The following BAZ1B variants were observed in gnomAD, a reference collection of about 807,000 sequenced individuals.
BAZ1B encodes tyrosine-protein kinase BAZ1B.
Under a neutral mutation model 153.8 loss-of-function variants are expected in BAZ1B, and 22 were observed. That is an observed-to-expected ratio of 0.14 (90% CI 0.10 to 0.20). BAZ1B has a LOEUF of 0.20. Among genes scored for constraint, BAZ1B ranks in the 10% least tolerant of loss-of-function variants. The pLI, the probability that BAZ1B is intolerant of heterozygous loss-of-function variation, is 1.00. For missense variants in BAZ1B, 1,325 were observed against 1,799.3 expected (o/e 0.74, Z 4.77); for synonymous variants, 676 against 633.4 (o/e 1.07, Z -1.01).
Position 73,442,290 on chromosome 7 carries a change from T to C in BAZ1B, c.4358A>G (p.Lys1453Arg), listed in dbSNP as rs782185536. ...HLPGHPYVRR[K>R]RKKFPDRLAE... ...AAGCCTATCAGGAAACTTCTTGCGCTTCCTGCGGACATATGGGTGGCCAGG... is the reference window on the plus strand; with the variant it reads ...AAGCCTATCAGGAAACTTCTTGCGCCTCCTGCGGACATATGGGTGGCCAGG... Residue 1453 changes from lysine (K) to arginine (R), a missense_variant, in exon 19 of 20, where the codon AAG becomes AGG. This residue lies in a region of BAZ1B where 271 missense variants were observed against 337.2 expected (regional missense o/e 0.80). Coordinates refer to ENST00000339594, the MANE Select transcript of BAZ1B (RefSeq NM_032408.4). 6.2e-7 allele frequency: 1 copy of C among 1,614,194 alleles called. No homozygotes were observed.
intron 2 of BAZ1B, among the ~76,000 whole-genome samples, chr7:73,508,971 C>T (rs1425029536): frequency 6.6e-6 from 1 of 151,002 alleles, no homozygotes; most frequent in Non-Finnish European, 1.5e-5. Flanking sequence ...CGAGATCGCA[C>T]CACTGCACTC....
At chr7:73,483,366 C>T (rs887923491) in intron 6 of BAZ1B, among the ~76,000 whole-genome samples, 2 of 152,122 alleles carry the variant, frequency 1.3e-5, no homozygotes, top group Non-Finnish European at 2.9e-5. Flanking sequence ...AATTAGCAAA[C>T]CTTGGCAATC....
At chr7:73,444,164 CG>C in intron 16 of BAZ1B, 35 bp from the exon 17 acceptor site, 2 of 1,551,482 alleles carry the variant, frequency 1.3e-6, no homozygotes, top group Non-Finnish European at 1.7e-6. Context: ...CAGAGAACAA[CG>C]GAAGGTGAAG....
At chr7:73,515,913 G>A (rs530197745) in intron 1 of BAZ1B, among the ~76,000 whole-genome samples, 1 of 152,140 alleles carries the variant, frequency 6.6e-6, no homozygotes, top group Non-Finnish European at 1.5e-5. Flanking sequence ...GGGAGGCAGA[G>A]GGGAACGGAT....
chr7:73,477,333 T>C lies in BAZ1B; in HGVS notation c.2128A>G (p.Thr710Ala), dbSNP rs782318897. ...GCAGCTGAATCTTTATTGTCATCTG[T>C]GTCTGAGCCCTCGCTTTCCTCCTGA... is the stretch of plus-strand genomic sequence containing the variant. ...DVQEESEGSDTDDNKDSAAFE... is the reference protein window; with the variant it reads ...DVQEESEGSDADDNKDSAAFE... The change falls in exon 7 of 20, where the codon ACA (threonine) becomes GCA (alanine). Residue 710 changes from threonine to alanine, a missense_variant. Thr to Ala is a moderately conservative substitution (Grantham distance 58). Around this residue, in one of 9 missense-constraint regions of BAZ1B, gnomAD observed 431 missense variants for 563.5 expected, o/e 0.76. Transcript: ENST00000339594. The surrounding 1 kb of genome is among the most constrained non-coding windows in gnomAD (Gnocchi z 5.6). The C allele has an allele frequency of 3.7e-6, 6 of 1,614,148 alleles. No homozygotes were observed. The East Asian group carries it at 6.7e-5, about 18-fold the overall frequency.
At chr7:73,520,735 T>A (rs1791001605) in intron 1 of BAZ1B, among the ~76,000 whole-genome samples, 1 of 152,176 alleles carries the variant, frequency 6.6e-6, no homozygotes, top group African/African-American at 2.4e-5. Context: ...AAAGTGAGGA[T>A]CAGGGAGAAA....
In BAZ1B at chr7:73,522,064, C is replaced by A. The variant is rs1013667316; in HGVS notation, c.-131G>T. 8.9e-6 allele frequency: 5 copies of A among 563,600 alleles called. No individual in the cohort carries two copies. Among genetic ancestry groups the A allele is most frequent in the African/African-American group, 7.8e-5 (4 of 51,118 alleles). 34.9% of individuals were successfully genotyped at this position (563,600 alleles called of 1,614,324 possible). ...GGAAGGGAGGGGTGAGAGGGCGGCG[C>A]GAACTCCGGCTCCCTCACCGCCGGC... On this transcript the variant is annotated 5_prime_UTR_variant, in exon 1 of 20. Coordinates refer to ENST00000339594, the MANE Select transcript of BAZ1B (RefSeq NM_032408.4).
intron 1 of BAZ1B, 109 bp from the exon 2 acceptor site, chr7:73,510,961 T>A: frequency 2.3e-6 from 2 of 883,368 alleles, no homozygotes; most frequent in Non-Finnish European, 3.6e-6. Context: ...TTAAAATGTG[T>A]AGCATGAGAG....
chr7:73,444,049 G>A lies in BAZ1B; in HGVS notation c.3925C>T (p.Pro1309Ser). Reference sequence around the variant, plus strand: ...GGCTGAGACCTCCTGGTAGAGTGTGGCTTCTTACCCGGGCGCCGGCCTGAC... The same window carrying A: ...GGCTGAGACCTCCTGGTAGAGTGTGACTTCTTACCCGGGCGCCGGCCTGAC... ...ARSGRRPGKK[P>S]HSTRRSQPKA... The change falls in exon 17 of 20, where the codon CCA becomes TCA. Residue 1309 changes from proline (P) to serine (S), a missense_variant. By Grantham distance (74) the Pro-to-Ser change is moderately conservative (BLOSUM62 -1). Coordinates refer to ENST00000339594, the MANE Select transcript of BAZ1B (RefSeq NM_032408.4). 5.6e-6 allele frequency: 9 copies of A among 1,613,808 alleles called. No homozygotes were observed. Among genetic ancestry groups the A allele is most frequent in the Non-Finnish European group, 7.6e-6 (9 of 1,179,856 alleles).
intron 9 of BAZ1B, among the ~76,000 whole-genome samples, chr7:73,468,772 C>A (rs1788687875): frequency 6.6e-6 from 1 of 152,246 alleles, no homozygotes; most frequent in South Asian, 2.1e-4. Context: ...ATACCCCTAG[C>A]GTATGACAAA....
In BAZ1B at chr7:73,513,953, A is replaced by C. The variant is rs1437828192; in HGVS notation, c.108-3101T>G. On this transcript the variant is annotated intron_variant, in intron 1 of 19. Transcript: ENST00000339594. ...AATATGTCTTAAAGAGAGAACAGTA[A>C]GTTTTTATTATTACAGGTTGAGGAT... Among the ~76,000 whole-genome samples, 4 of 152,168 alleles carry C rather than the reference A, an allele frequency of 2.6e-5. No individual in the cohort carries two copies. In the East Asian group the frequency reaches 7.7e-4, roughly 29 times the overall value.
chr7:73,499,510 TGGG>T (rs1790042287), intron 3 of BAZ1B, among the ~76,000 whole-genome samples: 1 of 152,176 alleles, frequency 6.6e-6, no homozygotes, highest in Non-Finnish European at 1.5e-5. Flanking sequence ...GAGGCTAGCC[TGGG>T]CAATATAGGG....
intron 5 of BAZ1B, 137 bp downstream of exon 5, chr7:73,492,663 T>G: frequency 1.3e-6 from 1 of 792,042 alleles, no homozygotes; most frequent in Non-Finnish European, 1.9e-6. Flanking sequence ...CATTAATTAC[T>G]GTAACTACAA....
chr7:73,492,116 C>T (rs1305405107), intron 5 of BAZ1B, among the ~76,000 whole-genome samples: 2 of 151,914 alleles, frequency 1.3e-5, no homozygotes, highest in African/African-American at 2.4e-5. Context: ...CCTCAGCCTC[C>T]TGAGTAGCTG....
At chr7:73,508,046 C>T (rs1583950492) in intron 3 of BAZ1B, among the ~76,000 whole-genome samples, 2 of 152,206 alleles carry the variant, frequency 1.3e-5, no homozygotes, top group Admixed American at 1.3e-4. Context: ...GTCCCAGCTA[C>T]TCAGAAGGCT....
chr7:73,498,097 T>A (rs1183146225), intron 4 of BAZ1B, among the ~76,000 whole-genome samples: 1 of 152,054 alleles, frequency 6.6e-6, no homozygotes, highest in Non-Finnish European at 1.5e-5. Flanking sequence ...GTAGCTGGGA[T>A]TATAGGCACC....
intron 1 of BAZ1B, among the ~76,000 whole-genome samples, chr7:73,512,650 G>A (rs1790635208): frequency 6.6e-6 from 1 of 152,052 alleles, no homozygotes; most frequent in Non-Finnish European, 1.5e-5. Flanking sequence ...AAATTCAAAC[G>A]GCAAGTAACT....
chr7:73,488,473 T>C (rs534128066), intron 6 of BAZ1B, among the ~76,000 whole-genome samples: 1 of 152,248 alleles, frequency 6.6e-6, no homozygotes, highest in East Asian at 1.9e-4. Flanking sequence ...GGCTCACATC[T>C]GTAATCCCAG....
At position 73,498,484 on chromosome 7, in the gene BAZ1B, A is replaced by C; in HGVS notation, c.571+13T>G. 1 of 1,607,884 alleles carries C rather than the reference A, an allele frequency of 6.2e-7. No individual in the cohort carries two copies. The highest frequency in any genetic ancestry group is 8.5e-7 in the Non-Finnish European group (1 of 1,174,582). On this transcript the variant is annotated intron_variant, in intron 4 of 19. Transcript: ENST00000339594. ...TCTCATAAAACACTAAGGAAAGCTA[A>C]TATCAAACATACTAATACTCTCTCT...
Sources: gnomAD v4.1 joint callset for allele counts (sites outside exome capture counted in the v4.1 genomes callset) on GRCh38, gnomAD v4.1.1 for gene constraint, gnomAD v4.1.1 regional missense constraint, Gnocchi (gnomAD v3.1) non-coding constraint, MANE v1.5 for transcripts, NCBI Gene and HGNC (gene_info 2026-07-23, HGNC 2026-07-21) for gene names.